POLR3H: variants seen among roughly 807,000 people sequenced by gnomAD.
POLR3H encodes the protein DNA-directed RNA polymerase III subunit RPC8.
POLR3H carries 17 observed loss-of-function variants against 25.5 expected under a neutral mutation model. The ratio of observed to expected loss-of-function variants is 0.67; its 90% confidence interval spans 0.46 to 1.00. The LOEUF is 1.00. POLR3H is among the 50% of genes least tolerant of loss of function. The pLI, the probability that POLR3H is intolerant of heterozygous loss-of-function variation, is 0.00. For missense variants in POLR3H, 274 were observed against 265.0 expected (o/e 1.03, Z -0.24); for synonymous variants, 129 against 103.0 (o/e 1.25, Z -1.53).
chr22:41,535,220 T>C (rs1367700421), intron 2 of POLR3H, among the ~76,000 whole-genome samples: 1 of 152,116 alleles, frequency 6.6e-6, no homozygotes, highest in East Asian at 1.9e-4. Flanking sequence ...TTAATGATCA[T>C]TGATGAGATC....
chr22:41,527,810 G>A lies in POLR3H; in HGVS notation c.*1473C>T, dbSNP rs988954730. ...GGCATTGTCCCAGGCAGCAGGATTA[G>A]GGGCATCTCCCAGAGCCCCAGATGG... is the stretch of plus-strand genomic sequence containing the variant. On this transcript the variant is annotated 3_prime_UTR_variant, in exon 6 of 6. Transcript: ENST00000355209. 4.8e-5 allele frequency: 77 copies of A among 1,594,390 alleles called. No homozygotes were observed. The highest frequency in any genetic ancestry group is 6.3e-5 in the Non-Finnish European group (74 of 1,169,910).
chr22:41,535,713 C>T (rs764605770), intron 2 of POLR3H, among the ~76,000 whole-genome samples: 5 of 152,164 alleles, frequency 3.3e-5, no homozygotes, highest in Non-Finnish European at 5.9e-5. Context: ...GTGGCTCACG[C>T]CTGTAATCCC....
chr22:41,541,080 G>A (rs1015520709), intron 1 of POLR3H, among the ~76,000 whole-genome samples: 2 of 151,948 alleles, frequency 1.3e-5, no homozygotes, highest in African/African-American at 2.4e-5. Flanking sequence ...TCTGAGCCTC[G>A]GTCTCCCCAT....
intron 1 of POLR3H, among the ~76,000 whole-genome samples, chr22:41,541,920 C>T (rs2066935181): frequency 6.6e-6 from 1 of 152,180 alleles, no homozygotes; most frequent in Non-Finnish European, 1.5e-5. Context: ...TTTCTGGCTC[C>T]TTCTCAGCCC....
chr22:41,536,005 T>C (rs1021334052), intron 2 of POLR3H, among the ~76,000 whole-genome samples: 3 of 150,708 alleles, frequency 2.0e-5, no homozygotes, highest in African/African-American at 7.3e-5. Context: ...TTGCCCAGGC[T>C]GGTCTCGAAC....
Position 41,527,705 on chromosome 22 carries a change from C to A in POLR3H, c.*1578G>T. On this transcript the variant is annotated 3_prime_UTR_variant, in exon 6 of 6. Transcript: ENST00000355209. ...ATGAATGTGCAGCAGGAAGGCCTCG[C>A]AGACCTCAGCACCAGCGCACACTTG... The A allele has an allele frequency of 1.1e-6, 1 of 890,934 alleles. No individual in the cohort carries two copies. Among genetic ancestry groups the A allele is most frequent in the Non-Finnish European group, 1.7e-6 (1 of 596,684 alleles). The allele number at this position is 890,934 out of a possible 1,614,324, so 55.2% of individuals were successfully genotyped here.
At chr22:41,532,003 C>T in intron 4 of POLR3H, 91 bp downstream of exon 4, 1 of 1,160,468 alleles carries the variant, frequency 8.6e-7, no homozygotes, top group Non-Finnish European at 1.3e-6. Context: ...CATCAGGTTA[C>T]AGGCCCCAAA....
chr22:41,529,019 A>C lies in POLR3H; in HGVS notation c.*264T>G. ...TTGGTGTCTGTGCCGTTTGTTGTCA[A>C]GTCCAGGGTCCAGGAAGGGTCTTTT... On this transcript the variant is annotated 3_prime_UTR_variant, in exon 6 of 6. Transcript: ENST00000355209. The C allele has an allele frequency of 1.8e-6, 1 of 542,306 alleles. No homozygotes were observed. The highest frequency in any genetic ancestry group is 3.5e-5 in the Admixed American group (1 of 28,340). 33.6% of individuals were successfully genotyped at this position (542,306 alleles called of 1,614,324 possible).
At position 41,529,332 on chromosome 22, in the gene POLR3H, G is replaced by T; in HGVS notation, c.566C>A (p.Ser189Tyr). The T allele has an allele frequency of 6.2e-7, 1 of 1,613,666 alleles. No homozygotes were observed. Among genetic ancestry groups the T allele is most frequent in the Non-Finnish European group, 8.5e-7 (1 of 1,179,834 alleles). The change falls in exon 6 of 6, where the codon TCC (serine) becomes TAC (tyrosine). Residue 189 changes from serine (S) to tyrosine (Y), a missense_variant. Physicochemically the swap from Ser to Tyr is moderately radical, Grantham distance 144 (BLOSUM62 -2). Coordinates refer to ENST00000355209, the MANE Select transcript of POLR3H (RefSeq NM_001018050.4). ...AAGGCCCAGGCCTGGCTCACTGATG[G>T]ATCCCTGCCAGGGATAAAGAACACG... ...KKEAPYTLVG[S>Y]ISEPGLGLLS...
At chr22:41,536,042 A>G (rs1601955936) in intron 2 of POLR3H, among the ~76,000 whole-genome samples, 1 of 148,714 alleles carries the variant, frequency 6.7e-6, no homozygotes, top group South Asian at 2.2e-4. Flanking sequence ...CGCCCGCCTC[A>G]GACTCCCAAA....
chr22:41,527,450 T>G lies in POLR3H; in HGVS notation c.*1833A>C, dbSNP rs750016738. On this transcript the variant is annotated 3_prime_UTR_variant, in exon 6 of 6. Transcript: ENST00000355209. ...GCTGGAGTCTGTACCCAGGCCATCC[T>G]CATCCCATCCCTAGTGATCAAGGTC... 6.3e-7 allele frequency: 1 copy of G among 1,587,890 alleles called. No homozygotes were observed. Among genetic ancestry groups the G allele is most frequent in the Admixed American group, 1.7e-5 (1 of 58,468 alleles).
chr22:41,537,353 G>A (rs2066865669), intron 2 of POLR3H, among the ~76,000 whole-genome samples: 1 of 152,164 alleles, frequency 6.6e-6, no homozygotes, highest in Non-Finnish European at 1.5e-5. Flanking sequence ...CAAGGCCCAG[G>A]CAAATAAATA....
intron 3 of POLR3H, 29 bp downstream of exon 3, chr22:41,532,630 C>G: frequency 1.9e-6 from 3 of 1,613,996 alleles, no homozygotes; most frequent in Non-Finnish European, 2.5e-6. Context: ...GTTCCCAAGT[C>G]TTGTCTGAGG....
intron 2 of POLR3H, among the ~76,000 whole-genome samples, chr22:41,538,902 C>T (rs1038873535): frequency 2.1e-4 from 32 of 152,162 alleles, no homozygotes; most frequent in African/African-American, 7.5e-4. Flanking sequence ...GAGAGGCTGA[C>T]CAGTATGGAC....
At chr22:41,539,111 T>G (rs1359354579) in intron 2 of POLR3H, 1 of 152,078 alleles carries the variant, frequency 6.6e-6, no homozygotes, top group African/African-American at 2.4e-5. Flanking sequence ...ATACAAAAAT[T>G]AGCCAGGCGT....
chr22:41,532,591 G>A (rs2066758909), intron 3 of POLR3H, 68 bp downstream of exon 3: 2 of 1,612,316 alleles, frequency 1.2e-6, no homozygotes, highest in African/African-American at 1.3e-5. Flanking sequence ...TGACCATGTG[G>A]GTGGACACAG....
At position 41,529,630 on chromosome 22, in the gene POLR3H, G is replaced by A. The variant is rs763389801; in HGVS notation, c.562-294C>T. ...AGGTTCTAATCGTGGCAGGAAGGCT[G>A]AGCAAACACAAGGCCCATGCTCCAG... On this transcript the variant is annotated intron_variant, in intron 5 of 5. Transcript: ENST00000355209. 1.1e-4 allele frequency: 74 copies of A among 689,692 alleles called. No homozygotes were observed. The Admixed American group carries it at 1.3e-3, about 12-fold the overall frequency. The allele number at this position is 689,692 out of a possible 1,614,324, so 42.7% of individuals were successfully genotyped here.
At position 41,544,059 on chromosome 22, in the gene POLR3H, G is replaced by C. The variant is rs192618902; in HGVS notation, c.43C>G (p.Pro15Ala). 4 of 1,613,802 alleles carry C rather than the reference G, an allele frequency of 2.5e-6. No homozygotes were observed. In the Admixed American group the frequency reaches 5.0e-5, roughly 20 times the overall value. The change falls in exon 1 of 6, where the codon CCT becomes GCT. Residue 15 changes from proline (P) to alanine (A), a missense_variant. Physicochemically the swap from Pro to Ala is conservative, Grantham distance 27. Coordinates refer to ENST00000355209, the MANE Select transcript of POLR3H (RefSeq NM_001018050.4). ...TTGAGCTTCCTCTCAAACTGCCAAGGGGGGATCCGGACGGTGTCCACCATT... is the reference window on the plus strand; with the variant it reads ...TTGAGCTTCCTCTCAAACTGCCAAGCGGGGATCCGGACGGTGTCCACCATT... ...VEMVDTVRIPPWQFERKLNDS... is the reference protein window; with the variant it reads ...VEMVDTVRIPAWQFERKLNDS...
intron 4 of POLR3H, 49 bp from the exon 5 acceptor site, chr22:41,530,937 C>T (rs781769138): frequency 5.7e-6 from 9 of 1,571,318 alleles, no homozygotes; most frequent in Admixed American, 3.4e-5. Context: ...GGAGGGGCTT[C>T]CCTCAGCACC....
Sources: allele counts gnomAD v4.1 joint callset (sites outside exome capture counted in the v4.1 genomes callset), GRCh38; gene constraint gnomAD v4.1.1; transcripts MANE v1.5; gene names NCBI Gene and HGNC (gene_info 2026-07-23, HGNC 2026-07-21).